The following KLHDC8A variants were observed in gnomAD, a reference collection of about 807,000 sequenced individuals.
The protein encoded by KLHDC8A is kelch domain-containing protein 8A.
KLHDC8A carries 21 observed loss-of-function variants against 33.1 expected under a neutral mutation model. The ratio of observed to expected loss-of-function variants is 0.64; its 90% confidence interval spans 0.45 to 0.91. KLHDC8A has a LOEUF of 0.91. Ranked by LOEUF, KLHDC8A falls within the 40% of genes least tolerant of loss-of-function variation. The pLI is 0.00. For synonymous variants in KLHDC8A, 173 were observed against 193.5 expected (o/e 0.89, Z 0.88); for missense variants, 435 against 483.3 (o/e 0.90, Z 0.94).
Position 205,347,489 on chromosome 1 carries a change from G to T in KLHDC8A, c.-189-3696C>A, listed in dbSNP as rs181522750. Among the ~76,000 whole-genome samples, 5 of 152,314 alleles carry T rather than the reference G, an allele frequency of 3.3e-5. No individual in the cohort carries two copies. The East Asian group carries it at 9.6e-4, about 29-fold the overall frequency. On this transcript the variant is annotated intron_variant, in intron 1 of 5. Transcript: ENST00000367155. ...CATCCCAGCACTTTGGGAGGCCGAG[G>T]CAGGTGATTACATGAGTCCAGGAGT...
At chr1:205,344,677 T>G (rs1001264200) in intron 1 of KLHDC8A, among the ~76,000 whole-genome samples, 5 of 152,146 alleles carry the variant, frequency 3.3e-5, no homozygotes, top group Non-Finnish European at 7.4e-5. Context: ...TTTAACCTCA[T>G]GAAAACAACT....
intron 1 of KLHDC8A, among the ~76,000 whole-genome samples, chr1:205,350,166 G>A (rs1471129781): frequency 6.6e-6 from 1 of 152,210 alleles, no homozygotes; most frequent in Non-Finnish European, 1.5e-5. Flanking sequence ...AGTCACCAGT[G>A]AAGACTTTAT....
Position 205,341,710 on chromosome 1 carries a change from G to A in KLHDC8A, c.376+1519C>T, listed in dbSNP as rs2102282819. On this transcript the variant is annotated intron_variant, in intron 2 of 5. Coordinates refer to ENST00000367155, the MANE Select transcript of KLHDC8A (RefSeq NM_018203.3). ...CTGTCACCCAGGCTGGAGTGCAGTG[G>A]CGCGATCTCGGCTCACTGCAAGCTC... Among the ~76,000 whole-genome samples, 4 of 152,014 alleles carry A rather than the reference G, an allele frequency of 2.6e-5. No individual in the cohort carries two copies. The Middle Eastern group carries it at 0.01, about 388-fold the overall frequency.
At chr1:205,345,421 T>A (rs1206550874) in intron 1 of KLHDC8A, among the ~76,000 whole-genome samples, 1 of 152,154 alleles carries the variant, frequency 6.6e-6, no homozygotes, top group Non-Finnish European at 1.5e-5. Context: ...CAACCAGGGT[T>A]TTGAAATTGA....
chr1:205,347,079 C>G (rs901437725), intron 1 of KLHDC8A, among the ~76,000 whole-genome samples: 6 of 152,192 alleles, frequency 3.9e-5, no homozygotes, highest in African/African-American at 1.2e-4. Context: ...TCTGGAAGTC[C>G]TGGCTTCTCT....
intron 1 of KLHDC8A, among the ~76,000 whole-genome samples, chr1:205,352,515 G>A (rs1011633682): frequency 2.6e-5 from 4 of 152,214 alleles, no homozygotes; most frequent in African/African-American, 9.6e-5. Context: ...CTAGGGAGAC[G>A]GCAATCTGCT....
intron 1 of KLHDC8A, chr1:205,351,565 A>AT (rs1168563434): frequency 2.1e-5 from 12 of 576,480 alleles, no homozygotes; most frequent in Middle Eastern, 1.0e-3. Context: ...GTACATTTTC[A>AT]TATTAGACTT....
In KLHDC8A at chr1:205,343,442, C is replaced by G; in HGVS notation, c.163G>C (p.Glu55Gln). The change falls in exon 2 of 6, where the codon GAG becomes CAG. Residue 55 changes from glutamate (E) to glutamine (Q), a missense_variant. Transcript: ENST00000367155. The stretch of plus-strand genomic sequence containing the variant: ...GGCAAGGCGGTCCACTGGTCGGCCT[C>G]CGGGGAGTAGACCTCGAAGCAGTCC... ...PMDCFEVYSP[E>Q]ADQWTALPRL... 1.2e-6 allele frequency: 2 copies of G among 1,613,524 alleles called. No individual in the cohort carries two copies. The highest frequency in any genetic ancestry group is 1.7e-6 in the Non-Finnish European group (2 of 1,179,880).
In KLHDC8A at chr1:205,339,753, G is replaced by A. The variant is rs374016969; in HGVS notation, c.432C>T (p.His144=). The change falls in exon 3 of 6, where the codon CAC becomes CAT. Residue 144 remains histidine (H), a synonymous_variant. Coordinates refer to ENST00000367155, the MANE Select transcript of KLHDC8A (RefSeq NM_018203.3). The surrounding 1 kb of genome is among the most constrained non-coding windows in gnomAD (Gnocchi z 5.1). ...GMGLDLRPHN[H]LQHYDMLKDM... ...CCTTCAGCATGTCATAGTGTTGGAG[G>A]TGGTTGTGTGGACGTAGGTCCAGGC... 8 of 1,614,148 alleles carry A rather than the reference G, an allele frequency of 5.0e-6. No individual in the cohort carries two copies. The highest frequency in any genetic ancestry group is 3.3e-5 in the South Asian group (3 of 91,078).
intron 2 of KLHDC8A, among the ~76,000 whole-genome samples, chr1:205,340,171 C>T (rs1461482249): frequency 6.6e-6 from 1 of 152,134 alleles, no homozygotes; most frequent in Non-Finnish European, 1.5e-5. Flanking sequence ...CATGCCACCA[C>T]ACCTGACTAA....
chr1:205,341,895 C>A (rs796968340), intron 2 of KLHDC8A, among the ~76,000 whole-genome samples: 38 of 152,270 alleles, frequency 2.5e-4, no homozygotes, highest in African/African-American at 8.9e-4. Context: ...ATGATCCGCC[C>A]GCCTCAGCCT....
At chr1:205,355,530 G>A (rs898331984) in intron 1 of KLHDC8A, among the ~76,000 whole-genome samples, 1 of 152,138 alleles carries the variant, frequency 6.6e-6, no homozygotes, top group African/African-American at 2.4e-5. Flanking sequence ...TGTATAATTT[G>A]AACCTCATAA....
Position 205,343,398 on chromosome 1 carries a change from C to G in KLHDC8A, c.207G>C (p.Arg69=), listed in dbSNP as rs1171852468. ...WTALPRLPTA[R]AGVAVTALGK... ...CCAGGGCGGTGACGGCCACCCCCGC[C>G]CGGGCTGTGGGCAGCCGGGGCAAGG... is the stretch of plus-strand genomic sequence containing the variant. Residue 69 remains arginine, a synonymous_variant, in exon 2 of 6, where the codon CGG becomes CGC. Coordinates refer to ENST00000367155, the MANE Select transcript of KLHDC8A (RefSeq NM_018203.3). 1 of 1,613,354 alleles carries G rather than the reference C, an allele frequency of 6.2e-7. No individual in the cohort carries two copies. Among genetic ancestry groups the G allele is most frequent in the South Asian group, 1.1e-5 (1 of 91,056 alleles).
At position 205,350,801 on chromosome 1, in the gene KLHDC8A, CTGTGTGTGCATGTG is replaced by C. The variant is rs1376050885; in HGVS notation, c.-190+5718_-190+5731del. 5.4e-5 allele frequency among the ~76,000 whole-genome samples: 4 copies of C among 74,460 alleles called. No individual in the cohort carries two copies. The South Asian group carries it at 1.7e-3, about 32-fold the overall frequency. The allele number at this position is 74,460 out of a possible 152,430, so 48.8% of individuals were successfully genotyped here. ...CTGCCTATCATGATGGCGTGCGTGC[CTGTGTGTGCATGTG>C]TGTGTGTGCATGCATGTGTGTGCGC... On this transcript the variant is annotated intron_variant, in intron 1 of 5. Transcript: ENST00000367155.
chr1:205,352,025 G>A (rs577828076), intron 1 of KLHDC8A, among the ~76,000 whole-genome samples: 17 of 152,298 alleles, frequency 1.1e-4, no homozygotes, highest in Non-Finnish European at 1.8e-4. Flanking sequence ...CCAAGGCTGT[G>A]GGCCCTTTAT....
chr1:205,342,527 C>A (rs183405276), intron 2 of KLHDC8A, among the ~76,000 whole-genome samples: 1 of 152,298 alleles, frequency 6.6e-6, no homozygotes, highest in East Asian at 1.9e-4. Context: ...ATACTGGTTC[C>A]CAATCTATAG....
At chr1:205,345,825 A>C (rs1662931962) in intron 1 of KLHDC8A, among the ~76,000 whole-genome samples, 1 of 150,924 alleles carries the variant, frequency 6.6e-6, no homozygotes, top group African/African-American at 2.4e-5. Context: ...CTGTAATCCC[A>C]GCACTTTGGA....
At chr1:205,352,270 T>C (rs1488516517) in intron 1 of KLHDC8A, among the ~76,000 whole-genome samples, 2 of 152,122 alleles carry the variant, frequency 1.3e-5, no homozygotes, top group Non-Finnish European at 2.9e-5. Context: ...CCGCTCACTC[T>C]CCAGATGGAA....
At chr1:205,352,313 C>T (rs111427220) in intron 1 of KLHDC8A, among the ~76,000 whole-genome samples, 2 of 152,254 alleles carry the variant, frequency 1.3e-5, no homozygotes, top group African/African-American at 4.8e-5. Context: ...AGGACCTGTA[C>T]AGAGGTAGGG....
Sources: gnomAD v4.1 joint callset for allele counts (sites outside exome capture counted in the v4.1 genomes callset) on GRCh38, gnomAD v4.1.1 for gene constraint, Gnocchi (gnomAD v3.1) non-coding constraint, MANE v1.5 for transcripts, NCBI Gene and HGNC (gene_info 2026-07-23, HGNC 2026-07-21) for gene names.